The following SEMA5A variants were observed in gnomAD, a reference collection of about 807,000 sequenced individuals.
SEMA5A encodes semaphorin-5A.
SEMA5A carries 55 observed loss-of-function variants against 135.5 expected under a neutral mutation model. That is an observed-to-expected ratio of 0.41 (90% CI 0.33 to 0.51). The LOEUF (loss-of-function observed/expected upper bound fraction) is 0.51, where lower values mean the gene tolerates loss of function less well. Among genes scored for constraint, SEMA5A ranks in the 20% least tolerant of loss-of-function variants. The pLI is 0.37. For synonymous variants in SEMA5A, 580 were observed against 546.5 expected (o/e 1.06, Z -0.85); for missense variants, 1,290 against 1,419.9 (o/e 0.91, Z 1.47).
At chr5:9,429,294 T>C (rs1005600359) in intron 2 of SEMA5A, among the ~76,000 whole-genome samples, 60 of 152,108 alleles carry the variant, frequency 3.9e-4, no homozygotes, top group African/African-American at 1.4e-3. Context: ...AAATTAGAAA[T>C]AGGGTATTAC....
At chr5:9,297,568 T>C (rs889437114) in intron 5 of SEMA5A, among the ~76,000 whole-genome samples, 3 of 152,098 alleles carry the variant, frequency 2.0e-5, no homozygotes, top group African/African-American at 7.2e-5. Context: ...GTTTACTTGT[T>C]TTTGAGAGAG....
In SEMA5A at chr5:9,059,944, AAAG is replaced by A. The variant is rs1396678055; in HGVS notation, c.2518+2940_2518+2942del. Among the ~76,000 whole-genome samples, 4 of 152,244 alleles carry A rather than the reference AAAG, an allele frequency of 2.6e-5. No homozygotes were observed. The East Asian group carries it at 7.7e-4, about 29-fold the overall frequency. ...TGTCCACTATGAACCCAACAGGGTT[AAAG>A]AAGAGTAAATTCACAGGGGAGAGTA... is the stretch of plus-strand genomic sequence containing the variant. On this transcript the variant is annotated intron_variant, in intron 18 of 22. Coordinates refer to ENST00000382496, the MANE Select transcript of SEMA5A (RefSeq NM_003966.3).
intron 1 of SEMA5A, among the ~76,000 whole-genome samples, chr5:9,510,671 C>T (rs1291081501): frequency 6.6e-6 from 1 of 152,108 alleles, no homozygotes; most frequent in Non-Finnish European, 1.5e-5. Flanking sequence ...ATTGCATTTT[C>T]TTAAAACATA....
At chr5:9,293,979 T>C (rs780278823) in intron 5 of SEMA5A, among the ~76,000 whole-genome samples, 1 of 152,212 alleles carries the variant, frequency 6.6e-6, no homozygotes, top group African/African-American at 2.4e-5. Flanking sequence ...TTATTCTCCA[T>C]GACTTATCAC....
At chr5:9,407,355 T>C (rs146603740) in intron 2 of SEMA5A, among the ~76,000 whole-genome samples, 3,138 of 152,306 alleles carry the variant, frequency 0.021, 46 homozygotes, top group Non-Finnish European at 0.031. Context: ...TAATCAAAAC[T>C]GTATCCTGAA....
intron 1 of SEMA5A, among the ~76,000 whole-genome samples, chr5:9,447,974 C>A (rs940281152): frequency 6.6e-6 from 1 of 152,196 alleles, no homozygotes; most frequent in African/African-American, 2.4e-5. Flanking sequence ...CAGCCCTCAT[C>A]TAGGAGACAA....
intron 8 of SEMA5A, among the ~76,000 whole-genome samples, chr5:9,212,168 A>G (rs1380915781): frequency 6.6e-6 from 1 of 152,152 alleles, no homozygotes. Context: ...AAACTCACAA[A>G]CTCAATTTGC....
rs111657808 is a variant in SEMA5A, at chr5:9,204,221, G to C, written c.647-1981C>G. 3.2e-4 allele frequency among the ~76,000 whole-genome samples: 48 copies of C among 152,248 alleles called. No individual in the cohort carries two copies. Among genetic ancestry groups the C allele is most frequent in the African/African-American group, 7.9e-4 (33 of 41,542 alleles). ...ACAACAACAACAAAAACAGCAACAA[G>C]CAACCCTTCCTAAAATGTGGAAAAC... On this transcript the variant is annotated intron_variant, in intron 8 of 22. Transcript: ENST00000382496. This position sits in a 1 kb window ranked among gnomAD's most constrained non-coding sequence, Gnocchi z 6.4.
chr5:9,213,392 T>A (rs989136787), intron 8 of SEMA5A, among the ~76,000 whole-genome samples: 3 of 152,176 alleles, frequency 2.0e-5, no homozygotes, highest in Non-Finnish European at 2.9e-5. Context: ...GGAAATAACA[T>A]TAATAGCTGA....
At chr5:9,105,162 C>T (rs368272886) in intron 16 of SEMA5A, among the ~76,000 whole-genome samples, 21 of 152,232 alleles carry the variant, frequency 1.4e-4, no homozygotes, top group African/African-American at 5.1e-4. Flanking sequence ...TCTGGGTTTC[C>T]CAAGCTTTTG....
At chr5:9,326,510 T>TC (rs1752883437) in intron 4 of SEMA5A, among the ~76,000 whole-genome samples, 1 of 151,314 alleles carries the variant, frequency 6.6e-6, no homozygotes, top group Non-Finnish European at 1.5e-5. Context: ...TGCCTGGGCC[T>TC]CCCAAAGTGC....
intron 1 of SEMA5A, among the ~76,000 whole-genome samples, chr5:9,472,594 G>A (rs868746401): frequency 9.9e-5 from 15 of 152,148 alleles, no homozygotes; most frequent in African/African-American, 3.6e-4. Context: ...TGGGGGTTGG[G>A]AGGTGATGAG....
intron 10 of SEMA5A, among the ~76,000 whole-genome samples, chr5:9,195,410 G>A (rs1745335500): frequency 1.3e-5 from 2 of 152,138 alleles, no homozygotes; most frequent in African/African-American, 2.4e-5. Flanking sequence ...GGCCTCAGGA[G>A]ATCCTCCTGC....
intron 6 of SEMA5A, among the ~76,000 whole-genome samples, chr5:9,230,160 T>TTA (rs1375981110): frequency 8.2e-6 from 1 of 122,490 alleles, no homozygotes; most frequent in Non-Finnish European, 1.7e-5. Context: ...ATTTTTTTCT[T>TTA]TTTTTTTTTT....
intron 2 of SEMA5A, among the ~76,000 whole-genome samples, chr5:9,400,656 G>A (rs1349718796): frequency 3.5e-5 from 3 of 84,968 alleles, no homozygotes; most frequent in African/African-American, 1.0e-4. Flanking sequence ...ACAGGCGCCC[G>A]CCACTACGCC....
At chr5:9,170,623 C>T (rs997950543) in intron 11 of SEMA5A, among the ~76,000 whole-genome samples, 1 of 151,968 alleles carries the variant, frequency 6.6e-6, no homozygotes, top group African/African-American at 2.4e-5. Context: ...GGTCTCAGAG[C>T]CCTGCCTTGT....
intron 18 of SEMA5A, among the ~76,000 whole-genome samples, chr5:9,054,743 T>C (rs143586061): frequency 2.2e-3 from 331 of 152,306 alleles, no homozygotes; most frequent in African/African-American, 7.8e-3. Flanking sequence ...AATTGGATTA[T>C]GGTTTACTCC....
chr5:9,416,232 T>C (rs1017613836), intron 2 of SEMA5A, among the ~76,000 whole-genome samples: 8 of 152,168 alleles, frequency 5.3e-5, no homozygotes, highest in Non-Finnish European at 1.2e-4. Context: ...TCCATCCTTT[T>C]ACCCTAAAAC....
chr5:9,318,915 T>C (rs544564135), intron 4 of SEMA5A, among the ~76,000 whole-genome samples: 7 of 152,270 alleles, frequency 4.6e-5, no homozygotes, highest in African/African-American at 1.7e-4. Context: ...AATATGAACT[T>C]GGGCCCGGCA....
Sources: gnomAD v4.1 joint callset for allele counts (sites outside exome capture counted in the v4.1 genomes callset) on GRCh38, gnomAD v4.1.1 for gene constraint, Gnocchi (gnomAD v3.1) non-coding constraint, MANE v1.5 for transcripts, NCBI Gene and HGNC (gene_info 2026-07-23, HGNC 2026-07-21) for gene names.